Variants in SERPINB10 observed in about 807,000 individuals in gnomAD.
The protein encoded by SERPINB10 is serpin family B member 10.
SERPINB10 carries 35 observed loss-of-function variants against 39.1 expected under a neutral mutation model. The ratio of observed to expected loss-of-function variants is 0.90; its 90% CI spans 0.68 to 1.19. The LOEUF is 1.19. SERPINB10 is among the 50% of genes most tolerant of loss of function. SERPINB10 has a pLI of 0.00. For synonymous variants in SERPINB10, 190 were observed against 158.1 expected, an observed-to-expected ratio of 1.20 and a Z score of -1.52; for missense variants, 546 against 460.5, an observed-to-expected ratio of 1.19 and a Z score of -1.70.
chr18:63,919,932 G>T, intron 5 of SERPINB10, 27 bp downstream of exon 5: 1 of 1,444,334 alleles, frequency 6.9e-7, no homozygotes, highest in South Asian at 1.2e-5. Context: ...GGGTTTGGCA[G>T]CGTGCTTTTC....
rs370912541 is a variant in SERPINB10, at chr18:63,910,373, C to T, written c.-10+2333C>T. 3.1e-4 allele frequency among the ~76,000 whole-genome samples: 47 copies of T among 151,952 alleles called. No individual in the cohort carries two copies. The South Asian group carries it at 9.3e-3, about 30-fold the overall frequency. On this transcript the variant is annotated intron_variant, in intron 1 of 7. Coordinates refer to ENST00000238508, the MANE Select transcript of SERPINB10 (RefSeq NM_005024.3). ...TGTTAGAAGGGTATAATGTGTGATG[C>T]TGAGGTTGAGGTTTGATTGAGTCCA...
chr18:63,918,184 A>G (rs2050118876), intron 4 of SERPINB10, 82 bp downstream of exon 4: 1 of 1,416,638 alleles, frequency 7.1e-7, no homozygotes, highest in African/African-American at 1.4e-5. Context: ...ATATTTCTTT[A>G]GGGATCCAGG....
rs1336691304 is a variant in SERPINB10 at position 63,934,968 on chromosome 18, G to A, written c.920G>A (p.Ser307Asn). 1.7e-5 allele frequency: 28 copies of A among 1,614,110 alleles called. No individual in the cohort carries two copies. Among genetic ancestry groups the A allele is most frequent in the Non-Finnish European group, 2.2e-5 (26 of 1,180,046 alleles). The stretch of plus-strand genomic sequence containing the variant: ...AGTTATGATCTCAAGTCAACCCTGA[G>A]CAGTATGGGGATGAGTGATGCCTTC... ...EDSYDLKSTL[S>N]SMGMSDAFSQ... is the part of the protein sequence containing the mutation. The change falls in exon 8 of 8, where the codon AGC becomes AAC. Residue 307 changes from serine to asparagine, a missense_variant. Physicochemically the swap from Ser to Asn is conservative, Grantham distance 46. Coordinates refer to ENST00000238508, the MANE Select transcript of SERPINB10 (RefSeq NM_005024.3).
chr18:63,921,297 T>C (rs1314849066), intron 5 of SERPINB10, among the ~76,000 whole-genome samples: 1 of 151,950 alleles, frequency 6.6e-6, no homozygotes, highest in Non-Finnish European at 1.5e-5. Flanking sequence ...AAACACCTGC[T>C]AGACATATTT....
In SERPINB10 at chr18:63,934,861, G is replaced by T; in HGVS notation, c.813G>T (p.Glu271Asp). 1 of 1,609,226 alleles carries T rather than the reference G, an allele frequency of 6.2e-7. No individual in the cohort carries two copies. The highest frequency in any genetic ancestry group is 8.5e-7 in the Non-Finnish European group (1 of 1,178,026). The stretch of plus-strand genomic sequence containing the variant: ...AGCTGGAAAAGGCCATCACCTATGA[G>T]AAGCTGAATGAGTGGACCAGTGCAG... ...LEQLEKAITY[E>D]KLNEWTSADM... Residue 271 changes from glutamate to aspartate, a missense_variant, in exon 8 of 8, where the codon GAG (glutamate) becomes GAT (aspartate). Transcript: ENST00000238508.
At chr18:63,932,243 C>T (rs926180929) in intron 6 of SERPINB10, among the ~76,000 whole-genome samples, 1 of 152,202 alleles carries the variant, frequency 6.6e-6, no homozygotes, top group Non-Finnish European at 1.5e-5. Context: ...TCTGTGGACA[C>T]TGTTTTTAAC....
chr18:63,915,860 C>A (rs1201519763), intron 2 of SERPINB10, among the ~76,000 whole-genome samples, 182 bp downstream of exon 2: 1 of 152,004 alleles, frequency 6.6e-6, no homozygotes, highest in Non-Finnish European at 1.5e-5. Flanking sequence ...AATCAATTTG[C>A]AAACTGTTGC....
chr18:63,929,632 C>T (rs1599091131), intron 5 of SERPINB10, among the ~76,000 whole-genome samples: 1 of 145,202 alleles, frequency 6.9e-6, no homozygotes, highest in Non-Finnish European at 1.5e-5. Context: ...ACAAGTTGTC[C>T]AACCTAAATC....
At chr18:63,926,596 G>A (rs2050183462) in intron 5 of SERPINB10, among the ~76,000 whole-genome samples, 1 of 151,936 alleles carries the variant, frequency 6.6e-6, no homozygotes. Flanking sequence ...GGGAATTCAG[G>A]AGAATTCTAC....
rs944311842 is a variant in SERPINB10, at chr18:63,931,646, G to T, written c.634-1402G>T. 3.3e-5 allele frequency among the ~76,000 whole-genome samples: 5 copies of T among 152,088 alleles called. No homozygotes were observed. The South Asian group carries it at 6.2e-4, about 19-fold the overall frequency. Reference sequence around the variant, plus strand: ...TAGGTTTACAGAAAAAATTGTGCACGAAGTATAGGGCTCTCATATGTCCCC... The same window carrying T: ...TAGGTTTACAGAAAAAATTGTGCACTAAGTATAGGGCTCTCATATGTCCCC... On this transcript the variant is annotated intron_variant, in intron 6 of 7. Transcript: ENST00000238508.
chr18:63,924,548 C>T (rs2050167700), intron 5 of SERPINB10, among the ~76,000 whole-genome samples: 1 of 151,948 alleles, frequency 6.6e-6, no homozygotes, highest in Admixed American at 6.6e-5. Flanking sequence ...GAGGTTCAAG[C>T]ATCAGTATTT....
intron 6 of SERPINB10, among the ~76,000 whole-genome samples, chr18:63,931,793 G>A (rs1331590364): frequency 6.6e-6 from 1 of 151,896 alleles, no homozygotes; most frequent in East Asian, 1.9e-4. Context: ...TTTACATTTG[G>A]GTCCACTCTT....
At position 63,934,887 on chromosome 18, in the gene SERPINB10, A is replaced by G; in HGVS notation, c.839A>G (p.Asp280Gly). Reference sequence around the variant, plus strand: ...AAGCTGAATGAGTGGACCAGTGCAGACATGATGGAGTTGTATGAAGTGCAG... The same window carrying G: ...AAGCTGAATGAGTGGACCAGTGCAGGCATGATGGAGTTGTATGAAGTGCAG... The part of the protein sequence containing the change: ...YEKLNEWTSA[D>G]MMELYEVQLH... Residue 280 changes from aspartate to glycine, a missense_variant, in exon 8 of 8, where the codon GAC becomes GGC. Asp to Gly is a moderately conservative substitution (Grantham distance 94). Transcript: ENST00000238508. The G allele has an allele frequency of 6.2e-7, 1 of 1,614,128 alleles. No individual in the cohort carries two copies. The highest frequency in any genetic ancestry group is 8.5e-7 in the Non-Finnish European group (1 of 1,179,982).
At chr18:63,909,013 G>A (rs2050045371) in intron 1 of SERPINB10, among the ~76,000 whole-genome samples, 1 of 152,130 alleles carries the variant, frequency 6.6e-6, no homozygotes, top group Admixed American at 6.6e-5. Context: ...ACCTCTCTCA[G>A]CTTCAGTTTC....
intron 4 of SERPINB10, among the ~76,000 whole-genome samples, chr18:63,919,207 T>G (rs1392215384): frequency 6.7e-6 from 1 of 149,902 alleles, no homozygotes; most frequent in South Asian, 2.1e-4. Context: ...TGGGTGAACA[T>G]CAGAGGACCA....
At chr18:63,922,502 T>C (rs916278163) in intron 5 of SERPINB10, among the ~76,000 whole-genome samples, 5 of 151,948 alleles carry the variant, frequency 3.3e-5, no homozygotes. Flanking sequence ...ATTCCTAGCC[T>C]GGTGACTGTT....
At chr18:63,918,654 G>T (rs1305884802) in intron 4 of SERPINB10, among the ~76,000 whole-genome samples, 1 of 151,908 alleles carries the variant, frequency 6.6e-6, no homozygotes, top group African/African-American at 2.4e-5. Context: ...AATTAGATAG[G>T]GTAGAAGAAT....
intron 4 of SERPINB10, among the ~76,000 whole-genome samples, chr18:63,918,967 T>C (rs1217106783): frequency 6.6e-6 from 1 of 151,544 alleles, no homozygotes; most frequent in Non-Finnish European, 1.5e-5. Context: ...CCCTCAAAAA[T>C]ATTTAAGTTT....
intron 2 of SERPINB10, 150 bp downstream of exon 2, chr18:63,915,828 T>A: frequency 1.5e-6 from 1 of 666,502 alleles, no homozygotes; most frequent in Non-Finnish European, 2.3e-6. Context: ...TTCTATACCA[T>A]AAAACAAATC....
Sources: gnomAD v4.1 joint callset for allele counts (sites outside exome capture counted in the v4.1 genomes callset) on GRCh38, gnomAD v4.1.1 for gene constraint, MANE v1.5 for transcripts, NCBI Gene and HGNC (gene_info 2026-07-23, HGNC 2026-07-21) for gene names.